Variants in TMEM45A observed in about 807,000 individuals in gnomAD.
TMEM45A encodes transmembrane protein 45A.
In TMEM45A, 25 loss-of-function variants were observed where a neutral mutation model predicts 32.0. The observed-to-expected ratio is 0.78, with a 90% CI of 0.57 to 1.09. The LOEUF is 1.09. TMEM45A is among the 50% of genes least tolerant of loss of function. TMEM45A has a pLI of 0.00. For synonymous variants in TMEM45A, 122 were observed against 114.8 expected (o/e 1.06, Z -0.40); for missense variants, 302 against 325.0 (o/e 0.93, Z 0.54).
intron 1 of TMEM45A, among the ~76,000 whole-genome samples, chr3:100,533,010 T>C (rs1395936230): frequency 6.6e-6 from 1 of 152,188 alleles, no homozygotes; most frequent in Non-Finnish European, 1.5e-5. Context: ...GAAATGCAGC[T>C]CTTTCTCATT....
chr3:100,504,215 C>T (rs983864137), intron 1 of TMEM45A, among the ~76,000 whole-genome samples: 1 of 151,706 alleles, frequency 6.6e-6, no homozygotes, highest in Non-Finnish European at 1.5e-5. Flanking sequence ...TTTCCCACCC[C>T]ACCCCCTGAG....
At chr3:100,566,550 T>A (rs1350458000) in intron 4 of TMEM45A, among the ~76,000 whole-genome samples, 1 of 152,134 alleles carries the variant, frequency 6.6e-6, no homozygotes, top group Non-Finnish European at 1.5e-5. Flanking sequence ...TATATTATTA[T>A]CCTCATTTTC....
Position 100,543,532 on chromosome 3 carries a change from A to G in TMEM45A, c.-3-11677A>G, listed in dbSNP as rs187179411. 6.6e-5 allele frequency among the ~76,000 whole-genome samples: 10 copies of G among 152,196 alleles called. 1 individual carries two copies. Among genetic ancestry groups the G allele is most frequent in the Admixed American group, 6.5e-4 (10 of 15,284 alleles). ...ACACTTGATATAATAGATTTTTTAA[A>G]TTTTGCAATAAAATAGATGAAAAAT... On this transcript the variant is annotated intron_variant, in intron 1 of 5. Coordinates refer to ENST00000323523, the MANE Select transcript of TMEM45A (RefSeq NM_018004.3).
At chr3:100,570,681 T>C (rs1706539794) in intron 5 of TMEM45A, 1 of 152,286 alleles carries the variant, frequency 6.6e-6, no homozygotes, top group African/African-American at 2.4e-5. Context: ...AAGGAAATGC[T>C]CTTCCTCATG....
At chr3:100,533,097 C>T (rs772858576) in intron 1 of TMEM45A, among the ~76,000 whole-genome samples, 1 of 151,998 alleles carries the variant, frequency 6.6e-6, no homozygotes. Flanking sequence ...ATAATAGGAG[C>T]CCAGTCATTA....
chr3:100,558,299 C>T (rs1478811726), intron 3 of TMEM45A, 106 bp from the exon 4 acceptor site: 1 of 1,386,308 alleles, frequency 7.2e-7, no homozygotes, highest in Non-Finnish European at 9.9e-7. Context: ...CTCTTTTGGA[C>T]AAATGTGTGT....
At chr3:100,550,404 A>C (rs1706072208) in intron 1 of TMEM45A, among the ~76,000 whole-genome samples, 1 of 152,118 alleles carries the variant, frequency 6.6e-6, no homozygotes, top group Non-Finnish European at 1.5e-5. Flanking sequence ...ATACAATTTG[A>C]GTATTAAGAC....
At chr3:100,550,246 G>A (rs1291126920) in intron 1 of TMEM45A, among the ~76,000 whole-genome samples, 2 of 151,244 alleles carry the variant, frequency 1.3e-5, no homozygotes, top group Non-Finnish European at 2.9e-5. Context: ...GAATTGAGTT[G>A]GACTTGACAT....
intron 1 of TMEM45A, among the ~76,000 whole-genome samples, chr3:100,553,283 C>T (rs913465550): frequency 6.6e-6 from 1 of 152,120 alleles, no homozygotes; most frequent in African/African-American, 2.4e-5. Flanking sequence ...TTCAAAGCCC[C>T]TTCCCCTAAT....
chr3:100,492,755 T>TCTCCCCCCCC lies in TMEM45A; in HGVS notation c.-176_-175insTCCCCCCCCC, dbSNP rs1707864288. The TCTCCCCCCCC allele has an allele frequency of 7.0e-6, 1 of 143,526 alleles. No individual in the cohort carries two copies. Among genetic ancestry groups the TCTCCCCCCCC allele is most frequent in the Non-Finnish European group, 1.5e-5 (1 of 65,992 alleles). The allele number at this position is 143,526 out of a possible 1,614,324, so 8.9% of individuals were successfully genotyped here. A position where few individuals can be genotyped will look rare whatever the true frequency, so the allele number is the denominator to read the frequency against. On this transcript the variant is annotated 5_prime_UTR_variant, in exon 1 of 6. Transcript: ENST00000323523. ...CGACTAGGGACCCAAGTTTAAAAATTCCTCCCCCCACCCAATGCGAGACGT... is the reference window on the plus strand; with the variant it reads ...CGACTAGGGACCCAAGTTTAAAAATTCTCCCCCCCCCCTCCCCCCACCCAATGCGAGACGT...
intron 1 of TMEM45A, among the ~76,000 whole-genome samples, chr3:100,508,433 C>T (rs564943631): frequency 6.6e-6 from 1 of 152,260 alleles, no homozygotes; most frequent in South Asian, 2.1e-4. Flanking sequence ...ATACCAATGA[C>T]ATTCTTCACA....
At chr3:100,553,254 C>A (rs1012638217) in intron 1 of TMEM45A, among the ~76,000 whole-genome samples, 2 of 152,092 alleles carry the variant, frequency 1.3e-5, no homozygotes, top group African/African-American at 4.8e-5. Flanking sequence ...AGTTGGTATT[C>A]GGACTTAGAT....
chr3:100,512,760 C>G (rs1238110982), intron 1 of TMEM45A, among the ~76,000 whole-genome samples: 55 of 151,034 alleles, frequency 3.6e-4, no homozygotes, highest in Non-Finnish European at 7.0e-4. Context: ...AGAGAAGAAT[C>G]AAATAGATGC....
At chr3:100,576,832 A>G (rs1373215545) in intron 5 of TMEM45A, 93 bp from the exon 6 acceptor site, 67 of 1,012,032 alleles carry the variant, frequency 6.6e-5, no homozygotes, top group South Asian at 1.1e-4. Context: ...CAGTTGCCCA[A>G]ATAATCTAGA....
chr3:100,554,016 G>C (rs1185418058), intron 1 of TMEM45A, among the ~76,000 whole-genome samples: 2 of 152,152 alleles, frequency 1.3e-5, no homozygotes, highest in Non-Finnish European at 2.9e-5. Flanking sequence ...AATCTGCTGG[G>C]CCAGGGGAAA....
rs182345233 is a variant in TMEM45A at position 100,505,876 on chromosome 3, A to G, written c.-4+12948A>G. 1.1e-3 allele frequency among the ~76,000 whole-genome samples: 168 copies of G among 152,326 alleles called. 1 individual carries two copies. Among genetic ancestry groups the G allele is most frequent in the Non-Finnish European group, 1.8e-3 (122 of 68,020 alleles). The stretch of plus-strand genomic sequence containing the variant: ...TCCAGGCTGAGACTCAGGGAAAGGA[A>G]CTCAAGTGCAATTCAGACTCCCAAT... On this transcript the variant is annotated intron_variant, in intron 1 of 5. Coordinates refer to ENST00000323523, the MANE Select transcript of TMEM45A (RefSeq NM_018004.3).
intron 1 of TMEM45A, chr3:100,519,387 ATGTGTGTGTGTG>A (rs5851210): frequency 1.8e-6 from 1 of 563,568 alleles, no homozygotes. Context: ...GTGTGTGTGC[ATGTGTGTGTGTG>A]TGTGTGTGTG....
intron 1 of TMEM45A, among the ~76,000 whole-genome samples, chr3:100,500,155 C>T (rs773780104): frequency 1.3e-5 from 2 of 152,102 alleles, no homozygotes; most frequent in African/African-American, 2.4e-5. Context: ...TTTTTCTAGA[C>T]CTTCTCCAAG....
Position 100,521,452 on chromosome 3 carries a change from C to T in TMEM45A, c.-4+28524C>T, listed in dbSNP as rs1348118210. Among the ~76,000 whole-genome samples, 5 of 152,224 alleles carry T rather than the reference C, an allele frequency of 3.3e-5. 1 individual carries two copies. Among genetic ancestry groups the T allele is most frequent in the African/African-American group, 2.4e-5 (1 of 41,558 alleles). On this transcript the variant is annotated intron_variant, in intron 1 of 5. Transcript: ENST00000323523. ...ATTTTTAGTAGAGATGGGGTTTCTC[C>T]GTGTTGGTCAGGCTGGTCTCGAGTT...
Sources: gnomAD v4.1 joint callset for allele counts (sites outside exome capture counted in the v4.1 genomes callset) on GRCh38, gnomAD v4.1.1 for gene constraint, MANE v1.5 for transcripts, NCBI Gene and HGNC (gene_info 2026-07-23, HGNC 2026-07-21) for gene names.